MTA3: variants seen among roughly 807,000 people sequenced by gnomAD.
MTA3 encodes the protein metastasis associated 1 family member 3.
MTA3 carries 34 observed loss-of-function variants against 83.5 expected under a neutral mutation model. The observed-to-expected ratio is 0.41, with a 90% CI of 0.31 to 0.54. The LOEUF (loss-of-function observed/expected upper bound fraction) is 0.54, where lower values mean the gene tolerates loss of function less well. Among genes scored for constraint, MTA3 ranks in the 20% least tolerant of loss-of-function variants. MTA3 has a pLI of 0.33. For missense variants in MTA3, 761 were observed against 726.4 expected, an observed-to-expected ratio of 1.05 and a Z score of -0.55; for synonymous variants, 303 against 252.7, an observed-to-expected ratio of 1.20 and a Z score of -1.89.
intron 2 of MTA3, among the ~76,000 whole-genome samples, chr2:42,574,868 T>G (rs1219910683): frequency 1.3e-5 from 2 of 152,214 alleles, no homozygotes; most frequent in African/African-American, 4.8e-5. Flanking sequence ...AAAAAATTAT[T>G]TAGTCTTTGA....
chr2:42,607,442 C>T (rs985859672), intron 3 of MTA3, among the ~76,000 whole-genome samples: 1 of 152,100 alleles, frequency 6.6e-6, no homozygotes, highest in Non-Finnish European at 1.5e-5. Flanking sequence ...TGCAGTGGTG[C>T]GATCTCAGCT....
At chr2:42,644,767 A>T (rs1177023392) in intron 6 of MTA3, among the ~76,000 whole-genome samples, 1 of 152,176 alleles carries the variant, frequency 6.6e-6, no homozygotes, top group African/African-American at 2.4e-5. Context: ...CTTAGAGGTA[A>T]CTATTGTAAT....
At chr2:42,605,963 GA>G (rs368236731) in intron 3 of MTA3, among the ~76,000 whole-genome samples, 1,260 of 1,386 alleles carry the variant, frequency 0.91, 615 homozygotes, top group Non-Finnish European at 0.95. Flanking sequence ...TGGCCGGGCG[GA>G]AGGGCTGACC....
At chr2:42,663,269 TAG>T (rs1314039139) in intron 8 of MTA3, among the ~76,000 whole-genome samples, 1 of 152,058 alleles carries the variant, frequency 6.6e-6, no homozygotes, top group East Asian at 1.9e-4. Flanking sequence ...TTGCCTGAGG[TAG>T]AGAGGGCCTG....
At chr2:42,644,038 T>G in intron 5 of MTA3, 89 bp from the exon 6 acceptor site, 1 of 738,628 alleles carries the variant, frequency 1.4e-6, no homozygotes, top group Non-Finnish European at 2.1e-6. Context: ...CTCTGGGGTT[T>G]ATATGTTCAT....
intron 2 of MTA3, among the ~76,000 whole-genome samples, chr2:42,521,749 C>T (rs1344245532): frequency 1.9e-5 from 2 of 102,944 alleles, no homozygotes; most frequent in Admixed American, 1.2e-4. Context: ...GAATCTTTCT[C>T]TCTTTTTTTT....
chr2:42,561,387 A>G (rs1677668812), intron 2 of MTA3, among the ~76,000 whole-genome samples: 1 of 151,686 alleles, frequency 6.6e-6, no homozygotes, highest in South Asian at 2.1e-4. Flanking sequence ...CAGTGGCACA[A>G]TCTTGGCTCA....
Position 42,724,218 on chromosome 2 carries a change from C to A in MTA3, c.1759+1183C>A, listed in dbSNP as rs72865368. ...GAATCTCTCTTTTCCATTATACCAC[C>A]TCCCTGGCCTTTCTAGGCATATAAT... On this transcript the variant is annotated intron_variant, in intron 16 of 16. Coordinates refer to ENST00000405094, the MANE Select transcript of MTA3 (RefSeq NM_001330442.2). Among the ~76,000 whole-genome samples, 826 of 149,210 alleles carry A rather than the reference C, an allele frequency of 5.5e-3. 10 individuals carry two copies. The highest frequency in any genetic ancestry group is 0.019 in the African/African-American group (766 of 40,664).
intron 4 of MTA3, among the ~76,000 whole-genome samples, chr2:42,620,757 G>T (rs142172814): frequency 6.6e-6 from 1 of 152,194 alleles, no homozygotes; most frequent in Non-Finnish European, 1.5e-5. Context: ...GCCTCTCGAA[G>T]TGTTGGGATT....
intron 3 of MTA3, among the ~76,000 whole-genome samples, chr2:42,592,256 T>C (rs936015163): frequency 2.0e-5 from 3 of 151,726 alleles, no homozygotes; most frequent in African/African-American, 7.3e-5. Flanking sequence ...AGTGAGACTC[T>C]ATCTCAAAAA....
chr2:42,536,749 C>T (rs1676257691), intron 2 of MTA3, among the ~76,000 whole-genome samples: 1 of 149,358 alleles, frequency 6.7e-6, no homozygotes, highest in African/African-American at 2.5e-5. Context: ...GTCCCAGCTA[C>T]TCAGGAGGCT....
intron 16 of MTA3, among the ~76,000 whole-genome samples, chr2:42,748,242 T>TG (rs1553402303): frequency 0.029 from 4,375 of 150,056 alleles, 85 homozygotes; most frequent in Non-Finnish European, 0.044. Flanking sequence ...TGTGTGTGTG[T>TG]TTTAGTAGAG....
intron 7 of MTA3, among the ~76,000 whole-genome samples, chr2:42,657,188 A>C (rs1689248020): frequency 6.6e-6 from 1 of 152,244 alleles, no homozygotes; most frequent in Non-Finnish European, 1.5e-5. Context: ...CAGTGGATGC[A>C]AGGGTCTTCA....
At chr2:42,669,263 A>T (rs950362646) in intron 8 of MTA3, among the ~76,000 whole-genome samples, 14 of 151,906 alleles carry the variant, frequency 9.2e-5, no homozygotes, top group African/African-American at 2.9e-4. Flanking sequence ...TTGTGTTTTT[A>T]GCAGAGATGG....
At chr2:42,548,495 T>A (rs1676863378) in intron 2 of MTA3, among the ~76,000 whole-genome samples, 1 of 150,018 alleles carries the variant, frequency 6.7e-6, no homozygotes, top group African/African-American at 2.5e-5. Flanking sequence ...AAAATTAAAA[T>A]GCAAATATTA....
chr2:42,718,879 G>T, intron 14 of MTA3, 109 bp from the exon 15 acceptor site: 1 of 724,614 alleles, frequency 1.4e-6, no homozygotes. Context: ...CGGGAATCTG[G>T]TGGCTATTTT....
chr2:42,683,886 G>A (rs572300662), intron 9 of MTA3, among the ~76,000 whole-genome samples: 2 of 152,156 alleles, frequency 1.3e-5, no homozygotes, highest in Non-Finnish European at 2.9e-5. Flanking sequence ...TGACCTGGGG[G>A]TTGGGGACCC....
At chr2:42,606,652 G>C (rs973614942) in intron 3 of MTA3, among the ~76,000 whole-genome samples, 54 of 150,568 alleles carry the variant, frequency 3.6e-4, no homozygotes, top group Non-Finnish European at 6.2e-4. Flanking sequence ...GCCAGGCAGA[G>C]ACACTCCTCA....
chr2:42,629,562 G>T (rs945123013), intron 4 of MTA3, among the ~76,000 whole-genome samples: 1 of 152,110 alleles, frequency 6.6e-6, no homozygotes, highest in Non-Finnish European at 1.5e-5. Context: ...TAAGGTCCTT[G>T]AACAAGGAGG....
Sources: allele counts gnomAD v4.1 joint callset (sites outside exome capture counted in the v4.1 genomes callset), GRCh38; gene constraint gnomAD v4.1.1; transcripts MANE v1.5; gene names NCBI Gene and HGNC (gene_info 2026-07-23, HGNC 2026-07-21).